The following LRMDA variants were observed in gnomAD, a reference collection of about 807,000 sequenced individuals.
The protein encoded by LRMDA is leucine-rich melanocyte differentiation-associated protein.
A neutral mutation model predicts 29.8 loss-of-function variants in LRMDA; 18 were observed. The ratio of observed to expected loss-of-function variants is 0.60; its 90% CI spans 0.42 to 0.90. LRMDA has a LOEUF of 0.90. Among genes scored for constraint, LRMDA ranks in the 40% least tolerant of loss-of-function variants. LRMDA has a pLI of 0.00. For missense variants in LRMDA, 273 were observed against 273.9 expected (o/e 1.00, Z 0.02); for synonymous variants, 125 against 109.4 (o/e 1.14, Z -0.89).
intron 2 of LRMDA, among the ~76,000 whole-genome samples, chr10:76,021,970 A>G (rs575965975): frequency 1.3e-5 from 2 of 152,352 alleles, no homozygotes; most frequent in East Asian, 3.9e-4. Flanking sequence ...GAAAAAATGC[A>G]TGATATTATG....
chr10:75,758,236 C>T (rs1355530823), intron 2 of LRMDA, among the ~76,000 whole-genome samples: 1 of 152,242 alleles, frequency 6.6e-6, no homozygotes, highest in Non-Finnish European at 1.5e-5. Context: ...CTGCCCCCAC[C>T]TGGGTGTGCT....
intron 2 of LRMDA, among the ~76,000 whole-genome samples, chr10:75,728,931 A>G (rs780699131): frequency 2.0e-5 from 3 of 152,078 alleles, no homozygotes; most frequent in Admixed American, 1.3e-4. Flanking sequence ...ATCGTGTCTC[A>G]GTCCTGCCCA....
intron 2 of LRMDA, among the ~76,000 whole-genome samples, chr10:75,879,522 A>G (rs1266521695): frequency 6.6e-6 from 1 of 152,138 alleles, no homozygotes; most frequent in Non-Finnish European, 1.5e-5. Flanking sequence ...GTCCCTATAG[A>G]TGTCACTGCT....
intron 5 of LRMDA, among the ~76,000 whole-genome samples, chr10:76,322,183 T>C (rs1840779776): frequency 6.6e-6 from 1 of 152,208 alleles, no homozygotes. Context: ...TTTAAGACAT[T>C]TTCTTGTCCA....
intron 5 of LRMDA, among the ~76,000 whole-genome samples, chr10:76,234,317 A>G (rs1319215488): frequency 6.6e-6 from 1 of 152,188 alleles, no homozygotes; most frequent in Non-Finnish European, 1.5e-5. Context: ...ATTTAAGTAA[A>G]TCATGCTGTG....
intron 6 of LRMDA, among the ~76,000 whole-genome samples, chr10:76,523,358 G>A (rs144037730): frequency 5.3e-5 from 8 of 152,190 alleles, no homozygotes; most frequent in Admixed American, 5.2e-4. Flanking sequence ...GTTCTGCCAA[G>A]GGGGTCAGGA....
chr10:75,570,313 A>C (rs1840423158), intron 2 of LRMDA, among the ~76,000 whole-genome samples: 2 of 152,214 alleles, frequency 1.3e-5, no homozygotes, highest in Non-Finnish European at 2.9e-5. Context: ...TACTTACTTA[A>C]ATACCTTTAT....
At chr10:75,496,206 T>C (rs955489396) in intron 2 of LRMDA, among the ~76,000 whole-genome samples, 1 of 152,214 alleles carries the variant, frequency 6.6e-6, no homozygotes. Context: ...AAATTTTTGC[T>C]TAAAGAGGCT....
intron 6 of LRMDA, among the ~76,000 whole-genome samples, chr10:76,353,616 A>G (rs1047846190): frequency 8.5e-5 from 13 of 152,122 alleles, no homozygotes; most frequent in African/African-American, 3.1e-4. Flanking sequence ...AGATGTGAAG[A>G]GAACAAGTTA....
chr10:76,019,728 T>C (rs144884979), intron 2 of LRMDA, among the ~76,000 whole-genome samples: 2 of 152,182 alleles, frequency 1.3e-5, no homozygotes, highest in Admixed American at 6.5e-5. Flanking sequence ...GTGTCTATAA[T>C]TGGTGCAGCT....
In LRMDA at chr10:76,538,521, T is replaced by C. The variant is rs1446402733; in HGVS notation, c.602-18688T>C. Among the ~76,000 whole-genome samples the C allele has an allele frequency of 7.5e-5, 11 of 147,350 alleles. No homozygotes were observed. In the East Asian group the frequency reaches 2.0e-3, roughly 26 times the overall value. On this transcript the variant is annotated intron_variant, in intron 6 of 6. Coordinates refer to ENST00000611255, the MANE Select transcript of LRMDA (RefSeq NM_001305581.2). ...ATATGTATATATATATGTATATACA[T>C]ATTTATATACAGTTATATATATGTA...
rs765217367 is a variant in LRMDA, at chr10:76,390,419, G to T, written c.601+65934G>T. On this transcript the variant is annotated intron_variant, in intron 6 of 6. Coordinates refer to ENST00000611255, the MANE Select transcript of LRMDA (RefSeq NM_001305581.2). ...ACTAAACTAGCCAAGATGTGATAAG[G>T]CTTCCATGATGCAACTAATGAAATT... Among the ~76,000 whole-genome samples, 15 of 151,986 alleles carry T rather than the reference G, an allele frequency of 9.9e-5. 1 individual carries two copies. Among genetic ancestry groups the T allele is most frequent in the South Asian group, 4.2e-4 (2 of 4,802 alleles).
chr10:75,454,683 C>T (rs1343452644), intron 2 of LRMDA, among the ~76,000 whole-genome samples: 1 of 152,230 alleles, frequency 6.6e-6, no homozygotes, highest in African/African-American at 2.4e-5. Context: ...TCCTGGTTGG[C>T]TCACGTGAAT....
chr10:76,269,115 C>G (rs7099295), intron 5 of LRMDA, among the ~76,000 whole-genome samples: 84,604 of 151,828 alleles, frequency 0.56, 24,908 homozygotes, highest in African/African-American at 0.76. Flanking sequence ...GGTCGTAGTT[C>G]ATGGGCCAGT....
intron 2 of LRMDA, among the ~76,000 whole-genome samples, chr10:75,910,898 G>C (rs1845831627): frequency 6.6e-6 from 1 of 152,192 alleles, no homozygotes; most frequent in Non-Finnish European, 1.5e-5. Context: ...TTTGGTGCGA[G>C]ACAGGGTGCA....
At chr10:75,485,153 AT>A (rs900521439) in intron 2 of LRMDA, among the ~76,000 whole-genome samples, 1 of 152,076 alleles carries the variant, frequency 6.6e-6, no homozygotes, top group African/African-American at 2.4e-5. Flanking sequence ...AACTTTTAGT[AT>A]TTTCTGGACT....
intron 6 of LRMDA, among the ~76,000 whole-genome samples, chr10:76,380,312 A>C (rs1254428565): frequency 6.6e-6 from 1 of 152,098 alleles, no homozygotes; most frequent in Non-Finnish European, 1.5e-5. Flanking sequence ...TATAGGTAAT[A>C]TCTGTTTCTA....
At chr10:76,254,643 A>G (rs533393184) in intron 5 of LRMDA, among the ~76,000 whole-genome samples, 76 of 152,096 alleles carry the variant, frequency 5.0e-4, no homozygotes, top group African/African-American at 1.8e-3. Context: ...TACTTTTTGA[A>G]TATGTTCACT....
intron 6 of LRMDA, among the ~76,000 whole-genome samples, chr10:76,390,558 T>C (rs1201099673): frequency 6.6e-6 from 1 of 151,568 alleles, no homozygotes; most frequent in Non-Finnish European, 1.5e-5. Context: ...GCACCATGAC[T>C]GGTATTCAGT....
Sources: gnomAD v4.1 joint callset for allele counts (sites outside exome capture counted in the v4.1 genomes callset) on GRCh38, gnomAD v4.1.1 for gene constraint, MANE v1.5 for transcripts, NCBI Gene and HGNC (gene_info 2026-07-23, HGNC 2026-07-21) for gene names.